Variants in RYR3 observed in about 807,000 individuals in gnomAD.
RYR3 encodes the protein ryanodine receptor 3, also known as brain ryanodine receptor-calcium release channel.
Under a neutral mutation model 584.3 loss-of-function variants are expected in RYR3, and 207 were observed. The ratio of observed to expected loss-of-function variants is 0.35; its 90% confidence interval spans 0.32 to 0.40. The LOEUF is 0.40. RYR3 is among the 10% of genes least tolerant of loss of function. The pLI, the probability that RYR3 is intolerant of heterozygous loss-of-function variation, is 1.00. For synonymous variants in RYR3, 2,416 were observed against 2,248.5 expected (o/e 1.07, Z -2.11); for missense variants, 5,616 against 6,089.2 (o/e 0.92, Z 2.59).
chr15:33,631,698 C>T (rs1430802230), intron 23 of RYR3, among the ~76,000 whole-genome samples: 2 of 152,156 alleles, frequency 1.3e-5, no homozygotes, highest in African/African-American at 4.8e-5. Flanking sequence ...TTCGTTTGAC[C>T]TCCTATATCT....
intron 25 of RYR3, among the ~76,000 whole-genome samples, chr15:33,635,289 A>G (rs750886080): frequency 1.3e-5 from 2 of 152,200 alleles, no homozygotes; most frequent in African/African-American, 4.8e-5. Flanking sequence ...GTGATGTTGA[A>G]TAAATGATTT....
intron 32 of RYR3, 30 bp from the exon 33 acceptor site, chr15:33,659,690 G>A: frequency 1.4e-6 from 2 of 1,481,264 alleles, no homozygotes; most frequent in Non-Finnish European, 1.9e-6. Context: ...CCAGCTCTGG[G>A]CAAAGCTTTC....
chr15:33,635,677 A>C lies in RYR3; in HGVS notation c.3239A>C (p.Tyr1080Ser). The C allele has an allele frequency of 6.2e-7, 1 of 1,614,034 alleles. No homozygotes were observed. Among genetic ancestry groups the C allele is most frequent in the Non-Finnish European group, 8.5e-7 (1 of 1,179,898 alleles). ...KIRFFRVERSYAVRSGKWYFE... is the reference protein window; with the variant it reads ...KIRFFRVERSSAVRSGKWYFE... ...CGATTTTTCCGGGTAGAGCGATCTT[A>C]TGCAGTGAGATCTGGAAAGTGGTAT... The change falls in exon 26 of 104, where the codon TAT becomes TCT. Residue 1080 changes from tyrosine to serine, a missense_variant. Coordinates refer to ENST00000634891, the MANE Select transcript of RYR3 (RefSeq NM_001036.6).
At chr15:33,471,491 G>C (rs1268971345) in intron 1 of RYR3, among the ~76,000 whole-genome samples, 1 of 151,860 alleles carries the variant, frequency 6.6e-6, no homozygotes, top group Non-Finnish European at 1.5e-5. Flanking sequence ...AGCCTTGGTG[G>C]TTTGGGCGCC....
At chr15:33,465,843 G>A (rs1440009836) in intron 1 of RYR3, 1 of 514,662 alleles carries the variant, frequency 1.9e-6, no homozygotes, top group Non-Finnish European at 3.9e-6. Context: ...GGTAAGAGAA[G>A]GAAAGGAATC....
chr15:33,552,924 G>A (rs1045851458), intron 10 of RYR3, among the ~76,000 whole-genome samples: 1 of 152,148 alleles, frequency 6.6e-6, no homozygotes, highest in Admixed American at 6.5e-5. Context: ...GGGCGCTAGT[G>A]ACAATACCCA....
intron 61 of RYR3, 139 bp downstream of exon 61, chr15:33,768,846 T>C (rs2073326816): frequency 1.1e-5 from 9 of 842,166 alleles, no homozygotes; most frequent in Non-Finnish European, 1.6e-5. Context: ...AAAATTGATC[T>C]GAAGCATGAT....
At chr15:33,337,181 A>G (rs1971224555) in intron 1 of RYR3, among the ~76,000 whole-genome samples, 1 of 152,058 alleles carries the variant, frequency 6.6e-6, no homozygotes, top group Non-Finnish European at 1.5e-5. Flanking sequence ...AGAGATTTAA[A>G]AGATAGGAGA....
intron 4 of RYR3, among the ~76,000 whole-genome samples, chr15:33,531,330 TAAAA>T (rs971649210): frequency 6.6e-6 from 1 of 151,944 alleles, no homozygotes; most frequent in African/African-American, 2.4e-5. Flanking sequence ...TTATAATTTA[TAAAA>T]AAATATAATT....
chr15:33,820,320 C>T (rs2077040890), intron 77 of RYR3, among the ~76,000 whole-genome samples: 1 of 152,218 alleles, frequency 6.6e-6, no homozygotes, highest in East Asian at 1.9e-4. Context: ...CTTGATCTAG[C>T]TGTACCACAG....
intron 1 of RYR3, among the ~76,000 whole-genome samples, chr15:33,441,941 A>G (rs936279899): frequency 2.0e-5 from 3 of 152,200 alleles, no homozygotes; most frequent in Admixed American, 6.5e-5. Context: ...TTTCAGACAT[A>G]TCATTGGAAT....
Position 33,830,971 on chromosome 15 carries a change from C to T in RYR3, c.11343C>T (p.Ile3781=). Residue 3781 remains isoleucine, a synonymous_variant, in exon 86 of 104, where the codon ATC becomes ATT. Transcript: ENST00000634891. ...TACTCATTTGTTTTTAGGAATCAATCAGTGATTTCTACTGGTATTATTCAG... is the reference window on the plus strand; with the variant it reads ...TACTCATTTGTTTTTAGGAATCAATTAGTGATTTCTACTGGTATTATTCAG... The part of the protein sequence containing the change: ...VDYLLRLQES[I]SDFYWYYSGK... 1 of 1,612,944 alleles carries T rather than the reference C, an allele frequency of 6.2e-7. No homozygotes were observed. The highest frequency in any genetic ancestry group is 8.5e-7 in the Non-Finnish European group (1 of 1,179,490).
At chr15:33,539,202 C>T (rs1443574697) in intron 5 of RYR3, 148 bp from the exon 6 acceptor site, 12 of 572,946 alleles carry the variant, frequency 2.1e-5, no homozygotes, top group East Asian at 1.4e-4. Context: ...CTGTCTGGAA[C>T]GGTTAGAGAC....
intron 16 of RYR3, among the ~76,000 whole-genome samples, chr15:33,592,881 G>A (rs1441856801): frequency 3.3e-5 from 5 of 152,220 alleles, no homozygotes; most frequent in African/African-American, 2.4e-5. Context: ...AGGAAGTCCT[G>A]ACGACATGTG....
Position 33,788,302 on chromosome 15 carries a change from A to G in RYR3, c.9674A>G (p.Lys3225Arg). 6.2e-7 allele frequency: 1 copy of G among 1,613,988 alleles called. No homozygotes were observed. The highest frequency in any genetic ancestry group is 8.5e-7 in the Non-Finnish European group (1 of 1,179,866). ...CCAACTCTGGAGAAGCTGAAGAAAA[A>G]GGCTGTCAAGACGGTGCAGGAGGAG... The part of the protein sequence containing the change: ...FIPTLEKLKK[K>R]AVKTVQEEEQ... The change falls in exon 67 of 104, where the codon AAG becomes AGG. Residue 3225 changes from lysine (K) to arginine (R), a missense_variant. Physicochemically the swap from Lys to Arg is conservative, Grantham distance 26. This residue lies in a region of RYR3 where 954 missense variants were observed against 1,132.2 expected (regional missense o/e 0.84). Coordinates refer to ENST00000634891, the MANE Select transcript of RYR3 (RefSeq NM_001036.6).
At chr15:33,647,482 T>C (rs752532019) in intron 30 of RYR3, 22 bp downstream of exon 30, 6 of 1,560,224 alleles carry the variant, frequency 3.8e-6, no homozygotes. Context: ...TGCTCAATTA[T>C]GGTTTTAATT....
rs1320750197 is a variant in RYR3 at position 33,669,455 on chromosome 15, T to C, written c.5721T>C (p.Cys1907=). Residue 1907 remains cysteine (C), a splice_region_variant and synonymous_variant, in exon 37 of 104, where the codon TGT becomes TGC. Coordinates refer to ENST00000634891, the MANE Select transcript of RYR3 (RefSeq NM_001036.6). ...TCCATGAGGACCTTCTCCTTCACTG[T>C]GGTAAGCTGCCCAGAGAAAGGCTTT... is the stretch of plus-strand genomic sequence containing the variant. ...YDFHEDLLLH[C]GVPLEEEEEE... The C allele has an allele frequency of 1.9e-6, 3 of 1,613,288 alleles. No individual in the cohort carries two copies. In the Admixed American group the frequency reaches 5.0e-5, roughly 27 times the overall value.
At chr15:33,740,139 A>G in intron 51 of RYR3, 144 bp downstream of exon 51, 1 of 693,598 alleles carries the variant, frequency 1.4e-6, no homozygotes, top group South Asian at 2.0e-5. Flanking sequence ...GTCAAGTCCC[A>G]TCAGGCACAA....
rs1435168704 is a variant in RYR3, at chr15:33,810,526, C to G, written c.10074C>G (p.Asp3358Glu). ...QERKKTKRRG[D>E]LYSIQTSLIV... ...GGAAGAAGACAAAGCGGCGGGGAGA[C>G]TTGTATTCCATCCAGACCTCCCTCA... The change falls in exon 71 of 104, where the codon GAC becomes GAG. Residue 3358 changes from aspartate to glutamate, a missense_variant. By Grantham distance (45) the Asp-to-Glu change is conservative. This residue lies in a region of RYR3 where 954 missense variants were observed against 1,132.2 expected (regional missense o/e 0.84). Coordinates refer to ENST00000634891, the MANE Select transcript of RYR3 (RefSeq NM_001036.6). 2 of 1,613,974 alleles carry G rather than the reference C, an allele frequency of 1.2e-6. No homozygotes were observed. The highest frequency in any genetic ancestry group is 1.7e-6 in the Non-Finnish European group (2 of 1,179,872).
Sources: gnomAD v4.1 joint callset for allele counts (sites outside exome capture counted in the v4.1 genomes callset) on GRCh38, gnomAD v4.1.1 for gene constraint, gnomAD v4.1.1 regional missense constraint, MANE v1.5 for transcripts, NCBI Gene and HGNC (gene_info 2026-07-23, HGNC 2026-07-21) for gene names.